PDE4DIP: variants seen among roughly 807,000 people sequenced by gnomAD.
PDE4DIP encodes the protein phosphodiesterase 4D interacting protein.
In PDE4DIP, 59 loss-of-function variants were observed where a neutral mutation model predicts 221.4. That is an observed-to-expected ratio of 0.27 (90% CI 0.22 to 0.33). PDE4DIP has a LOEUF of 0.33. PDE4DIP is among the 10% of genes least tolerant of loss of function. The pLI, the probability that PDE4DIP is intolerant of heterozygous loss-of-function variation, is 1.00. For missense variants in PDE4DIP, 1,036 were observed against 2,154.2 expected (o/e 0.48, Z 10.28); for synonymous variants, 404 against 815.9 (o/e 0.50, Z 8.60).
chr1:148,893,113 T>G (rs1699359912), intron 1 of PDE4DIP, among the ~76,000 whole-genome samples: 2 of 139,678 alleles, frequency 1.4e-5, no homozygotes, highest in African/African-American at 2.7e-5. Flanking sequence ...ATGTATTTTT[T>G]TTTTTTTTTT....
intron 21 of PDE4DIP, among the ~76,000 whole-genome samples, chr1:148,986,793 G>T (rs1290144881): frequency 6.6e-6 from 1 of 152,148 alleles, no homozygotes. Context: ...AGCCAACTGT[G>T]GTGGGTAGTG....
rs781854390 is a variant in PDE4DIP, at chr1:149,029,779, T to C, written c.6814-8T>C. On this transcript the variant is annotated splice_region_variant and splice_polypyrimidine_tract_variant and intron_variant, in intron 41 of 43. Coordinates refer to ENST00000369354, the Ensembl canonical transcript of PDE4DIP. ...CCTGGTCAGTAAGAGTCTGTTCCTC[T>C]TATCCAGGGAGAATCAACAGAAAGG... The C allele has an allele frequency of 7.2e-7, 1 of 1,382,008 alleles. No individual in the cohort carries two copies. Among genetic ancestry groups the C allele is most frequent in the Admixed American group, 1.8e-5 (1 of 56,886 alleles). 85.6% of individuals were successfully genotyped at this position (1,382,008 alleles called of 1,614,324 possible).
At chr1:148,837,559 A>T (rs1305991455) in intron 1 of PDE4DIP, among the ~76,000 whole-genome samples, 1 of 120,514 alleles carries the variant, frequency 8.3e-6, no homozygotes, top group Non-Finnish European at 1.7e-5. Flanking sequence ...AGTAGCAAAA[A>T]ATTTGTAGCC....
chr1:148,934,223 A>G (rs1377443450), intron 4 of PDE4DIP, among the ~76,000 whole-genome samples: 1 of 152,106 alleles, frequency 6.6e-6, no homozygotes, highest in Non-Finnish European at 1.5e-5. Flanking sequence ...TCTTTTATAT[A>G]TATACATATT....
At chr1:148,889,139 A>G (rs7417476), upstream of PDE4DIP, among the ~76,000 whole-genome samples, 1,915 of 150,320 alleles carry the variant, frequency 0.013, 22 homozygotes, top group African/African-American at 0.042. Context: ...CACTGGACAG[A>G]AAGGGGATAT....
At chr1:148,978,998 T>C (rs2060654454) in intron 19 of PDE4DIP, among the ~76,000 whole-genome samples, 1 of 151,758 alleles carries the variant, frequency 6.6e-6, no homozygotes, top group Admixed American at 6.6e-5. Context: ...ATCTTTCTCT[T>C]TTATCTGCAT....
At chr1:148,890,814 G>A (rs1189276803) in intron 1 of PDE4DIP, among the ~76,000 whole-genome samples, 2 of 74,814 alleles carry the variant, frequency 2.7e-5, no homozygotes, top group Non-Finnish European at 4.6e-5. Context: ...GTCCAGGCTG[G>A]TCTCAAACTC....
intron 20 of PDE4DIP, among the ~76,000 whole-genome samples, chr1:148,980,723 A>T (rs1553541896): frequency 1.3e-5 from 2 of 152,130 alleles, no homozygotes; most frequent in African/African-American, 4.8e-5. Context: ...TACCAGGAAA[A>T]TGAAGGCAGA....
chr1:148,992,229 C>T, intron 22 of PDE4DIP: 1 of 1,051,504 alleles, frequency 9.5e-7, no homozygotes, highest in South Asian at 1.3e-5. Flanking sequence ...CTCCTACCCA[C>T]CTTTGCCCCT....
chr1:148,946,227 T>C (rs2051671905), intron 5 of PDE4DIP, among the ~76,000 whole-genome samples: 1 of 148,238 alleles, frequency 6.7e-6, no homozygotes, highest in Non-Finnish European at 1.5e-5. Context: ...AAGGGAATGC[T>C]AAGGGCTTAA....
At chr1:149,017,724 CAT>C (rs1293776856) in intron 33 of PDE4DIP, 22 bp from the exon 37 acceptor site, 1 of 1,448,176 alleles carries the variant, frequency 6.9e-7, no homozygotes, top group Non-Finnish European at 9.6e-7. Context: ...CACCTCTCTT[CAT>C]GTCCTGGTGG....
chr1:148,932,814 C>G (rs2048357595), intron 4 of PDE4DIP: 1 of 280,956 alleles, frequency 3.6e-6, no homozygotes, highest in Non-Finnish European at 6.9e-6. Flanking sequence ...GTTAATACTT[C>G]TGCCTCCAGA....
At chr1:149,017,960 C>T (rs1472778532) in intron 34 of PDE4DIP, 81 bp downstream of exon 37, 14 of 1,405,038 alleles carry the variant, frequency 1.0e-5, no homozygotes, top group Non-Finnish European at 1.4e-5. Flanking sequence ...CTTTACTTCA[C>T]TCGCTCCTTA....
At chr1:148,940,645 G>A (rs1361650530) in intron 5 of PDE4DIP, among the ~76,000 whole-genome samples, 1 of 152,010 alleles carries the variant, frequency 6.6e-6, no homozygotes, top group Non-Finnish European at 1.5e-5. Flanking sequence ...GGACCATGCT[G>A]AGGTACACTG....
intron 3 of PDE4DIP, among the ~76,000 whole-genome samples, chr1:148,881,700 A>G (rs1393355908): frequency 6.8e-6 from 1 of 147,384 alleles, no homozygotes; most frequent in Admixed American, 6.6e-5. Context: ...AAGAGGGAAT[A>G]CCCAGTTGCA....
chr1:148,994,603 A>G (rs77068851), intron 22 of PDE4DIP, among the ~76,000 whole-genome samples: 1 of 151,888 alleles, frequency 6.6e-6, no homozygotes, highest in Non-Finnish European at 1.5e-5. Flanking sequence ...TATACACACA[A>G]ACAATATGGA....
exon 44 of PDE4DIP, chr1:149,032,526 G>C (rs1309337708): frequency 9.6e-6 from 3 of 311,232 alleles, no homozygotes; most frequent in East Asian, 4.8e-5. Flanking sequence ...CTGTTGGGTC[G>C]AGTCAGGCTG....
intron 1 of PDE4DIP, among the ~76,000 whole-genome samples, chr1:148,859,616 A>G (rs1683142842): frequency 6.6e-6 from 1 of 151,330 alleles, no homozygotes; most frequent in Non-Finnish European, 1.5e-5. Flanking sequence ...TATATATGGA[A>G]ATGCAGGAGA....
Position 148,859,766 on chromosome 1 carries a change from A to G in PDE4DIP, c.234-3484A>G, listed in dbSNP as rs587775375. On this transcript the variant is annotated intron_variant, in intron 1 of 45. Transcript: ENST00000524974. Reference sequence around the variant, plus strand: ...TTTTTCTGAACTTGGGTAATACGAAAGAATGTACCAACATATATTACCACT... The same window carrying G: ...TTTTTCTGAACTTGGGTAATACGAAGGAATGTACCAACATATATTACCACT... Among the ~76,000 whole-genome samples the G allele has an allele frequency of 3.2e-3, 443 of 139,898 alleles. 1 individual carries two copies. The highest frequency in any genetic ancestry group is 6.2e-3 in the Admixed American group (90 of 14,440). 91.8% of individuals were successfully genotyped at this position (139,898 alleles called of 152,430 possible).
Sources: gnomAD v4.1 joint callset for allele counts (sites outside exome capture counted in the v4.1 genomes callset) on GRCh38, gnomAD v4.1.1 for gene constraint, MANE v1.5 for transcripts, NCBI Gene and HGNC (gene_info 2026-07-23, HGNC 2026-07-21) for gene names.